DIS3L2: variants seen among roughly 807,000 people sequenced by gnomAD.
The protein encoded by DIS3L2 is DIS3-like exonuclease 2.
A neutral mutation model predicts 97.5 loss-of-function variants in DIS3L2; 34 were observed. The ratio of observed to expected loss-of-function variants is 0.35; its 90% CI spans 0.27 to 0.46. The LOEUF (loss-of-function observed/expected upper bound fraction) is 0.46, where lower values mean the gene tolerates loss of function less well. DIS3L2 is among the 20% of genes least tolerant of loss of function. The probability of loss-of-function intolerance (pLI) is 1.00; values close to 1 mark genes in which losing one functional copy is unlikely to be tolerated. For synonymous variants in DIS3L2, 435 were observed against 445.2 expected (o/e 0.98, Z 0.29); for missense variants, 1,038 against 1,146.0 (o/e 0.91, Z 1.36).
intron 19 of DIS3L2, 177 bp from the exon 20 acceptor site, chr2:232,335,596 C>A (rs1475012781): frequency 5.9e-6 from 4 of 679,130 alleles, no homozygotes; most frequent in Non-Finnish European, 1.0e-5. Flanking sequence ...GTCACTCTCA[C>A]CTGCTGCCTC....
intron 9 of DIS3L2, among the ~76,000 whole-genome samples, chr2:232,199,786 G>C (rs115653979): frequency 0.014 from 2,178 of 152,160 alleles, 53 homozygotes; most frequent in African/African-American, 0.045. Flanking sequence ...TAAGAGCTGG[G>C]GGAATGATAG....
intron 14 of DIS3L2, among the ~76,000 whole-genome samples, chr2:232,316,463 C>T (rs191830628): frequency 1.5e-3 from 222 of 152,264 alleles, no homozygotes; most frequent in Non-Finnish European, 2.5e-3. Flanking sequence ...TGTCACTTCT[C>T]CGTGGCTGTC....
chr2:232,228,220 C>T (rs1204171283), intron 10 of DIS3L2, among the ~76,000 whole-genome samples: 1 of 152,234 alleles, frequency 6.6e-6, no homozygotes, highest in African/African-American at 2.4e-5. Context: ...CCCGCCTCAG[C>T]TTCCCAAACT....
At chr2:232,241,374 T>C (rs968061540) in intron 11 of DIS3L2, among the ~76,000 whole-genome samples, 27 of 152,236 alleles carry the variant, frequency 1.8e-4, no homozygotes, top group Non-Finnish European at 3.4e-4. Context: ...ATAGGGAATG[T>C]GGCACTGATT....
At chr2:232,336,218 C>A in intron 20 of DIS3L2, 2 of 1,537,118 alleles carry the variant, frequency 1.3e-6, no homozygotes, top group Non-Finnish European at 1.8e-6. Flanking sequence ...CAACAGTGTG[C>A]CCTGAACGCG....
rs547349897 is a variant in DIS3L2 at position 232,204,298 on chromosome 2, A to G, written c.1125-6028A>G. 5.9e-4 allele frequency among the ~76,000 whole-genome samples: 90 copies of G among 152,318 alleles called. No individual in the cohort carries two copies. The Middle Eastern group carries it at 0.017, about 29-fold the overall frequency. ...CAGGGTCAGAGGAAGAGTGTAAGTG[A>G]CAAAGGAACAGAAATTATTTCTAAG... is the stretch of plus-strand genomic sequence containing the variant. On this transcript the variant is annotated intron_variant, in intron 9 of 20. Coordinates refer to ENST00000325385, the MANE Select transcript of DIS3L2 (RefSeq NM_152383.5).
chr2:232,305,932 G>A (rs1009638229), intron 14 of DIS3L2, among the ~76,000 whole-genome samples: 47 of 151,852 alleles, frequency 3.1e-4, no homozygotes, highest in Non-Finnish European at 8.8e-5. Flanking sequence ...TCCAGCCTGG[G>A]TGACAGAACA....
intron 13 of DIS3L2, among the ~76,000 whole-genome samples, chr2:232,287,605 C>A (rs1049331231): frequency 1.3e-5 from 2 of 152,020 alleles, no homozygotes; most frequent in African/African-American, 4.8e-5. Context: ...GTTGCCCAGG[C>A]TGCTCTCAAA....
intron 12 of DIS3L2, among the ~76,000 whole-genome samples, chr2:232,255,499 A>T (rs985757128): frequency 6.6e-6 from 1 of 152,188 alleles, no homozygotes; most frequent in African/African-American, 2.4e-5. Flanking sequence ...ATTTTTTTTT[A>T]AACACTCACA....
rs770137763 is a variant in DIS3L2, at chr2:232,333,824, C to G, written c.2011-16C>G. On this transcript the variant is annotated splice_polypyrimidine_tract_variant and intron_variant, in intron 16 of 20. Coordinates refer to ENST00000325385, the MANE Select transcript of DIS3L2 (RefSeq NM_152383.5). ...AGCTCTGGGCTTGTCAGGCTCTGAC[C>G]CATCCCGTCCCGCAGATGGCACTGT... 8 of 1,602,824 alleles carry G rather than the reference C, an allele frequency of 5.0e-6. No individual in the cohort carries two copies. Among genetic ancestry groups the G allele is most frequent in the Non-Finnish European group, 6.8e-6 (8 of 1,175,308 alleles).
chr2:232,061,797 T>C (rs1695714783), intron 5 of DIS3L2, among the ~76,000 whole-genome samples: 1 of 152,098 alleles, frequency 6.6e-6, no homozygotes, highest in South Asian at 2.1e-4. Context: ...TGATGTTGGG[T>C]TATATACAGT....
intron 9 of DIS3L2, among the ~76,000 whole-genome samples, chr2:232,205,426 C>T (rs927007815): frequency 2.6e-5 from 4 of 151,786 alleles, no homozygotes; most frequent in Non-Finnish European, 4.4e-5. Flanking sequence ...GAGTAGTCTC[C>T]TGAGTAGCTG....
rs1262902786 is a variant in DIS3L2 at position 232,276,732 on chromosome 2, G to A, written c.1659+13292G>A. Among the ~76,000 whole-genome samples, 1 of 152,204 alleles carries A rather than the reference G, an allele frequency of 6.6e-6. No individual in the cohort carries two copies. The highest frequency in any genetic ancestry group is 2.4e-5 in the African/African-American group (1 of 41,446). ...GTCAGACTGCCTGGGTTCTGATCCCGACTCCCTCACTTAGCTGTGTGACTC... is the reference window on the plus strand; with the variant it reads ...GTCAGACTGCCTGGGTTCTGATCCCAACTCCCTCACTTAGCTGTGTGACTC... On this transcript the variant is annotated intron_variant, in intron 13 of 20. Coordinates refer to ENST00000325385, the MANE Select transcript of DIS3L2 (RefSeq NM_152383.5). This position sits in a 1 kb window ranked among gnomAD's most constrained non-coding sequence, Gnocchi z 4.4.
intron 12 of DIS3L2, among the ~76,000 whole-genome samples, chr2:232,261,320 G>T (rs903077044): frequency 2.0e-5 from 3 of 152,094 alleles, no homozygotes; most frequent in Non-Finnish European, 4.4e-5. Context: ...CTTCAGTGCT[G>T]GTTTCTCTTC....
At chr2:231,983,277 A>G (rs983079387) in intron 1 of DIS3L2, among the ~76,000 whole-genome samples, 1 of 152,208 alleles carries the variant, frequency 6.6e-6, no homozygotes, top group Admixed American at 6.5e-5. Context: ...TCTCACAGCT[A>G]TGAAGGATAG....
At chr2:232,115,320 A>C (rs1697673339) in intron 6 of DIS3L2, among the ~76,000 whole-genome samples, 1 of 152,062 alleles carries the variant, frequency 6.6e-6, no homozygotes, top group South Asian at 2.1e-4. Context: ...AAAAAGAAAA[A>C]CAAACCTAAT....
chr2:232,207,781 A>G (rs576489195), intron 9 of DIS3L2, among the ~76,000 whole-genome samples: 12 of 152,322 alleles, frequency 7.9e-5, no homozygotes, highest in Admixed American at 5.9e-4. Context: ...ATTAAGCCAA[A>G]TGCATCTTGT....
At chr2:232,139,285 C>T (rs1430538765) in intron 8 of DIS3L2, among the ~76,000 whole-genome samples, 14 of 152,298 alleles carry the variant, frequency 9.2e-5, no homozygotes, top group African/African-American at 3.1e-4. Context: ...TTCTTTACCC[C>T]TTTTTGCACA....
rs542173409 is a variant in DIS3L2 at position 232,074,625 on chromosome 2, G to C, written c.367-12862G>C. On this transcript the variant is annotated intron_variant, in intron 5 of 20. Transcript: ENST00000325385. ...GAAAGGATCTCGCTCTGTTACCCAG[G>C]TTCACCACGTGAGCAGTGACACAAT... is the stretch of plus-strand genomic sequence containing the variant. Among the ~76,000 whole-genome samples the C allele has an allele frequency of 3.7e-5, 5 of 136,730 alleles. No homozygotes were observed. The East Asian group carries it at 1.1e-3, about 31-fold the overall frequency. The allele number at this position is 136,730 out of a possible 152,430, so 89.7% of individuals were successfully genotyped here.
Sources: allele counts gnomAD v4.1 joint callset (sites outside exome capture counted in the v4.1 genomes callset), GRCh38; gene constraint gnomAD v4.1.1; non-coding constraint Gnocchi (gnomAD v3.1); transcripts MANE v1.5; gene names NCBI Gene and HGNC (gene_info 2026-07-23, HGNC 2026-07-21).